Variants in PRKG1 observed in about 807,000 individuals in gnomAD.
PRKG1 encodes the protein cGMP-dependent protein kinase 1.
A neutral mutation model predicts 88.1 loss-of-function variants in PRKG1; 35 were observed. The observed-to-expected ratio is 0.40, with a 90% CI of 0.30 to 0.53. PRKG1 has a LOEUF of 0.53. PRKG1 is among the 20% of genes least tolerant of loss of function. PRKG1 has a pLI of 0.59. For synonymous variants in PRKG1, 303 were observed against 292.5 expected (o/e 1.04, Z -0.37); for missense variants, 540 against 839.8 (o/e 0.64, Z 4.41).
intron 5 of PRKG1, among the ~76,000 whole-genome samples, chr10:52,010,802 C>A (rs567903230): frequency 3.8e-4 from 58 of 152,206 alleles, no homozygotes; most frequent in African/African-American, 1.4e-3. Context: ...ATGTTGTTAG[C>A]CTGATTTTAG....
chr10:51,593,303 A>C (rs1838358442), intron 3 of PRKG1, among the ~76,000 whole-genome samples: 2 of 149,522 alleles, frequency 1.3e-5, no homozygotes, highest in South Asian at 4.1e-4. Context: ...AATACCCTAT[A>C]CTGAGAAAAA....
chr10:51,833,030 G>A (rs1248655211), intron 4 of PRKG1, among the ~76,000 whole-genome samples: 2 of 152,130 alleles, frequency 1.3e-5, no homozygotes, highest in Non-Finnish European at 2.9e-5. Flanking sequence ...GAGGTTTTAA[G>A]CAGTGTTTCT....
chr10:51,457,910 G>A (rs938766028), intron 2 of PRKG1, among the ~76,000 whole-genome samples: 3 of 152,074 alleles, frequency 2.0e-5, no homozygotes, highest in Admixed American at 6.6e-5. Context: ...TCTGGGTAGC[G>A]ACTTTCAAAG....
chr10:51,112,180 C>T (rs1844995062), intron 1 of PRKG1, among the ~76,000 whole-genome samples: 2 of 152,052 alleles, frequency 1.3e-5, no homozygotes, highest in African/African-American at 2.4e-5. Context: ...CTCAAATCAT[C>T]ATTGAATTGC....
At chr10:51,087,620 A>G (rs1406552503) in intron 1 of PRKG1, among the ~76,000 whole-genome samples, 2 of 152,108 alleles carry the variant, frequency 1.3e-5, no homozygotes, top group Non-Finnish European at 2.9e-5. Flanking sequence ...TCTTTTATAT[A>G]GAGAGCTCTT....
chr10:51,907,679 A>T (rs1417619709), intron 5 of PRKG1, 109 bp downstream of exon 5: 2 of 999,136 alleles, frequency 2.0e-6, no homozygotes, highest in Non-Finnish European at 3.0e-6. Context: ...TCTTTAAAAA[A>T]TTTCTAAGCT....
chr10:51,832,397 A>G (rs1424603217), intron 4 of PRKG1, among the ~76,000 whole-genome samples: 1 of 152,208 alleles, frequency 6.6e-6, no homozygotes, highest in Non-Finnish European at 1.5e-5. Flanking sequence ...TTTGGCAAAA[A>G]TTATCTGTAA....
At chr10:52,182,666 T>C (rs963617868) in intron 9 of PRKG1, among the ~76,000 whole-genome samples, 35 of 145,958 alleles carry the variant, frequency 2.4e-4, no homozygotes, top group Middle Eastern at 3.4e-3. Flanking sequence ...TAGCCAGTTT[T>C]CCCAGCACCA....
rs144442031 is a variant in PRKG1, at chr10:51,547,613, A to G, written c.592+79777A>G. Among the ~76,000 whole-genome samples the G allele has an allele frequency of 2.6e-3, 391 of 152,186 alleles. 1 individual carries two copies. The highest frequency in any genetic ancestry group is 9.1e-3 in the African/African-American group (378 of 41,546). On this transcript the variant is annotated intron_variant, in intron 3 of 17. Transcript: ENST00000373980. ...GGACACAAGTCCTTACAGCAATTAG[A>G]TTTTAATAGTAGTTCCCAGTTATAC... is the stretch of plus-strand genomic sequence containing the variant.
intron 2 of PRKG1, among the ~76,000 whole-genome samples, chr10:51,432,818 T>C (rs1003901366): frequency 6.6e-6 from 1 of 152,198 alleles, no homozygotes; most frequent in African/African-American, 2.4e-5. Flanking sequence ...AACTTCTTTC[T>C]CCTCCACTGG....
intron 3 of PRKG1, among the ~76,000 whole-genome samples, chr10:51,770,329 C>T (rs2132543942): frequency 6.6e-6 from 1 of 152,268 alleles, no homozygotes; most frequent in Non-Finnish European, 1.5e-5. Context: ...TGTGAAGAAA[C>T]AGGTATGTTA....
chr10:51,508,806 G>A (rs1006391675), intron 3 of PRKG1, among the ~76,000 whole-genome samples: 12 of 152,208 alleles, frequency 7.9e-5, no homozygotes, highest in African/African-American at 2.4e-4. Flanking sequence ...AAATTAGAAG[G>A]CATTTAATCT....
intron 2 of PRKG1, among the ~76,000 whole-genome samples, chr10:51,249,176 A>C (rs1839367378): frequency 6.6e-6 from 1 of 151,746 alleles, no homozygotes; most frequent in African/African-American, 2.4e-5. Context: ...TCTACAAAAA[A>C]CTAGGGGCAA....
chr10:52,168,741 G>A (rs1425311467), intron 9 of PRKG1, among the ~76,000 whole-genome samples: 1 of 151,998 alleles, frequency 6.6e-6, no homozygotes, highest in Non-Finnish European at 1.5e-5. Flanking sequence ...ATATTTAGGT[G>A]GCAAAGCCAG....
intron 9 of PRKG1, among the ~76,000 whole-genome samples, chr10:52,217,519 C>G (rs746280651): frequency 6.6e-6 from 1 of 152,008 alleles, no homozygotes; most frequent in Non-Finnish European, 1.5e-5. Flanking sequence ...TTCACCCTGT[C>G]TTCAAATGGT....
chr10:51,017,980 AATT>A (rs1310984118), intron 1 of PRKG1, among the ~76,000 whole-genome samples: 1 of 151,444 alleles, frequency 6.6e-6, no homozygotes, highest in African/African-American at 2.4e-5. Context: ...ACATTAAGCT[AATT>A]ATTATTATTA....
intron 3 of PRKG1, among the ~76,000 whole-genome samples, chr10:51,549,987 C>T (rs1024902766): frequency 3.3e-5 from 5 of 151,974 alleles, no homozygotes; most frequent in East Asian, 1.9e-4. Flanking sequence ...CACAGAATTC[C>T]GTGGCCAGGC....
chr10:51,252,538 A>G (rs1487428728), intron 2 of PRKG1, among the ~76,000 whole-genome samples: 1 of 151,816 alleles, frequency 6.6e-6, no homozygotes, highest in Non-Finnish European at 1.5e-5. Context: ...AAACAAAAAA[A>G]AATCCTTAGT....
At chr10:52,119,230 T>A (rs889512208) in intron 7 of PRKG1, among the ~76,000 whole-genome samples, 4 of 152,164 alleles carry the variant, frequency 2.6e-5, no homozygotes, top group Non-Finnish European at 5.9e-5. Context: ...CCATGATAAT[T>A]AGAACTTTTA....
Sources: allele counts gnomAD v4.1 joint callset (sites outside exome capture counted in the v4.1 genomes callset), GRCh38; gene constraint gnomAD v4.1.1; transcripts MANE v1.5; gene names NCBI Gene and HGNC (gene_info 2026-07-23, HGNC 2026-07-21).